The following HCN1 variants were observed in gnomAD, a reference collection of about 807,000 sequenced individuals.
HCN1 encodes hyperpolarization activated cyclic nucleotide gated potassium channel 1.
A neutral mutation model predicts 78.9 loss-of-function variants in HCN1; 13 were observed. The ratio of observed to expected loss-of-function variants is 0.16; its 90% confidence interval spans 0.11 to 0.26. HCN1 has a LOEUF of 0.26. Ranked by LOEUF, HCN1 falls within the 10% of genes least tolerant of loss-of-function variation. The probability of loss-of-function intolerance (pLI) is 1.00; values close to 1 mark genes in which losing one functional copy is unlikely to be tolerated. For missense variants in HCN1, 810 were observed against 1,154.3 expected (o/e 0.70, Z 4.32); for synonymous variants, 552 against 455.5 (o/e 1.21, Z -2.70).
intron 3 of HCN1, among the ~76,000 whole-genome samples, chr5:45,432,385 G>A (rs1368092925): frequency 6.6e-6 from 1 of 152,064 alleles, no homozygotes; most frequent in Non-Finnish European, 1.5e-5. Context: ...CAAAGGGATA[G>A]TTTGACTTCA....
chr5:45,532,183 C>G (rs1221097938), intron 2 of HCN1, among the ~76,000 whole-genome samples: 1 of 152,116 alleles, frequency 6.6e-6, no homozygotes, highest in Non-Finnish European at 1.5e-5. Flanking sequence ...TTGTTAAATA[C>G]AATTTACTTG....
chr5:45,278,668 T>G (rs1745108385), intron 6 of HCN1, among the ~76,000 whole-genome samples: 1 of 152,270 alleles, frequency 6.6e-6, no homozygotes, highest in African/African-American at 2.4e-5. Context: ...AATTAGTTAC[T>G]TTAGTTAGTA....
chr5:45,587,545 C>T (rs553220670), intron 2 of HCN1, among the ~76,000 whole-genome samples: 13 of 103,568 alleles, frequency 1.3e-4, no homozygotes, highest in African/African-American at 4.7e-4. Context: ...ACTGGGGCCT[C>T]TTGTGGGGTA....
chr5:45,462,098 G>A (rs192853911), intron 2 of HCN1, 91 bp from the exon 3 acceptor site: 191 of 936,264 alleles, frequency 2.0e-4, no homozygotes, highest in Non-Finnish European at 2.9e-4. Flanking sequence ...GTTGTGTAGC[G>A]TAAGCATTGA....
At chr5:45,583,117 T>C (rs1289086330) in intron 2 of HCN1, among the ~76,000 whole-genome samples, 1 of 152,216 alleles carries the variant, frequency 6.6e-6, no homozygotes, top group Non-Finnish European at 1.5e-5. Context: ...CTCCTCCTTG[T>C]ACCTCTGGTA....
At position 45,652,315 on chromosome 5, in the gene HCN1, C is replaced by T. The variant is rs76869207; in HGVS notation, c.426-6707G>A. Among the ~76,000 whole-genome samples, 4 of 151,992 alleles carry T rather than the reference C, an allele frequency of 2.6e-5. No homozygotes were observed. In the East Asian group the frequency reaches 7.8e-4, roughly 29 times the overall value. On this transcript the variant is annotated intron_variant, in intron 1 of 7. Transcript: ENST00000303230. ...AGCTGCTCACCTCTCCTACTTGAAA[C>T]TCTCCCAAAGCTTTGATTTCTATGA... is the stretch of plus-strand genomic sequence containing the variant.
At chr5:45,535,103 T>C (rs1158070493) in intron 2 of HCN1, among the ~76,000 whole-genome samples, 1 of 152,224 alleles carries the variant, frequency 6.6e-6, no homozygotes, top group Non-Finnish European at 1.5e-5. Context: ...AATATGCCTT[T>C]ATTTTAAAAA....
intron 2 of HCN1, among the ~76,000 whole-genome samples, chr5:45,598,592 C>A (rs1744555982): frequency 6.6e-6 from 1 of 152,210 alleles, no homozygotes. Context: ...TGAAGAGCTT[C>A]TGCACGGCAA....
In HCN1 at chr5:45,258,629, C is replaced by A. The variant is rs947454869; in HGVS notation, c.*3292G>T. On this transcript the variant is annotated 3_prime_UTR_variant, in exon 8 of 8. Coordinates refer to ENST00000303230, the MANE Select transcript of HCN1 (RefSeq NM_021072.4). ...ACTTGTGTGGGGAGGTTCTATCACT[C>A]TCCAAATAACTTTGCAGGGCCCAAG... The A allele has an allele frequency of 1.3e-5, 2 of 152,032 alleles. No homozygotes were observed. The highest frequency in any genetic ancestry group is 4.8e-5 in the African/African-American group (2 of 41,428). 9.4% of individuals were successfully genotyped at this position (152,032 alleles called of 1,614,324 possible).
chr5:45,460,089 A>T (rs1049556930), intron 3 of HCN1, among the ~76,000 whole-genome samples: 3 of 152,138 alleles, frequency 2.0e-5, no homozygotes, highest in Admixed American at 6.6e-5. Context: ...CAACAAATTA[A>T]TGTGTCAGGT....
At chr5:45,394,313 G>A (rs536276270) in intron 4 of HCN1, among the ~76,000 whole-genome samples, 1 of 152,178 alleles carries the variant, frequency 6.6e-6, no homozygotes, top group South Asian at 2.1e-4. Flanking sequence ...CTTCTCTGTG[G>A]ACTACATCTG....
At chr5:45,358,010 C>A (rs934662806) in intron 4 of HCN1, among the ~76,000 whole-genome samples, 1 of 152,054 alleles carries the variant, frequency 6.6e-6, no homozygotes, top group Non-Finnish European at 1.5e-5. Flanking sequence ...TGCTCCCCTT[C>A]ACTTTCTGCC....
intron 3 of HCN1, among the ~76,000 whole-genome samples, chr5:45,399,326 T>G (rs566560778): frequency 1.3e-5 from 2 of 152,244 alleles, no homozygotes; most frequent in Non-Finnish European, 2.9e-5. Flanking sequence ...AATCTGTGTG[T>G]GTGATGCTGC....
At chr5:45,405,129 T>C (rs1739895728) in intron 3 of HCN1, among the ~76,000 whole-genome samples, 1 of 152,158 alleles carries the variant, frequency 6.6e-6, no homozygotes, top group Non-Finnish European at 1.5e-5. Flanking sequence ...GATCAGCATG[T>C]CTATTTTTTT....
chr5:45,260,274 A>C lies in HCN1; in HGVS notation c.*1647T>G, dbSNP rs1244215956. On this transcript the variant is annotated 3_prime_UTR_variant, in exon 8 of 8. Transcript: ENST00000303230. ...GTCATGCTCTTAACTTGGGTTATTT[A>C]CCGCAGCCAGTTGTTAGGAATCTTT... 1.3e-5 allele frequency: 2 copies of C among 152,212 alleles called. No homozygotes were observed. Among genetic ancestry groups the C allele is most frequent in the East Asian group, 3.9e-4 (2 of 5,186 alleles). 9.4% of individuals were successfully genotyped at this position (152,212 alleles called of 1,614,324 possible). A position where few individuals can be genotyped will look rare whatever the true frequency, so the allele number is the denominator to read the frequency against.
chr5:45,277,814 C>T (rs1745094753), intron 6 of HCN1, among the ~76,000 whole-genome samples: 2 of 152,092 alleles, frequency 1.3e-5, no homozygotes, highest in Admixed American at 1.3e-4. Flanking sequence ...TTCAATCAGA[C>T]TGTGACTAAT....
chr5:45,267,704 G>A lies in HCN1; in HGVS notation c.1619-451C>T, dbSNP rs1428284858. 2.0e-5 allele frequency among the ~76,000 whole-genome samples: 3 copies of A among 152,106 alleles called. No homozygotes were observed. In the East Asian group the frequency reaches 5.8e-4, roughly 29 times the overall value. On this transcript the variant is annotated intron_variant, in intron 6 of 7. Coordinates refer to ENST00000303230, the MANE Select transcript of HCN1 (RefSeq NM_021072.4). ...AATCACTTGAACCTGGGAGGCAGAG[G>A]TTGCAGTGAGCCGAGATTGTGCCAC...
At chr5:45,520,200 T>C (rs1742588985) in intron 2 of HCN1, among the ~76,000 whole-genome samples, 1 of 152,034 alleles carries the variant, frequency 6.6e-6, no homozygotes, top group Non-Finnish European at 1.5e-5. Flanking sequence ...TTATTGAACA[T>C]TATTTGGGCA....
At chr5:45,583,830 C>G (rs1744140637) in intron 2 of HCN1, among the ~76,000 whole-genome samples, 1 of 152,102 alleles carries the variant, frequency 6.6e-6, no homozygotes. Context: ...ATGTAGTTGG[C>G]AGTTTTGAGT....
Sources: allele counts gnomAD v4.1 joint callset (sites outside exome capture counted in the v4.1 genomes callset), GRCh38; gene constraint gnomAD v4.1.1; transcripts MANE v1.5; gene names NCBI Gene and HGNC (gene_info 2026-07-23, HGNC 2026-07-21).